The following GRM1 variants were observed in gnomAD, a reference collection of about 807,000 sequenced individuals.
GRM1 encodes metabotropic glutamate receptor 1.
Under a neutral mutation model 90.9 loss-of-function variants are expected in GRM1, and 33 were observed. That is an observed-to-expected ratio of 0.36 (90% CI 0.28 to 0.49). GRM1 has a LOEUF of 0.49. Ranked by LOEUF, GRM1 falls within the 20% of genes least tolerant of loss-of-function variation. The pLI is 0.99. For synonymous variants in GRM1, 700 were observed against 613.2 expected (o/e 1.14, Z -2.09); for missense variants, 1,190 against 1,534.3 (o/e 0.78, Z 3.75).
Position 146,367,404 on chromosome 6 carries a change from A to T in GRM1, c.1602+9710A>T, listed in dbSNP as rs565379343. Among the ~76,000 whole-genome samples, 210 of 152,140 alleles carry T rather than the reference A, an allele frequency of 1.4e-3. 1 individual carries two copies. Among genetic ancestry groups the T allele is most frequent in the African/African-American group, 4.8e-3 (198 of 41,508 alleles). On this transcript the variant is annotated intron_variant, in intron 5 of 7. Coordinates refer to ENST00000282753, the MANE Select transcript of GRM1 (RefSeq NM_001278064.2). ...TGGATTATTTTGTGGTTCCATGAGA[A>T]TTTTAGGATTTTTTTTTCTATTTTT...
At chr6:146,323,418 C>T (rs1484897010) in intron 3 of GRM1, among the ~76,000 whole-genome samples, 1 of 152,054 alleles carries the variant, frequency 6.6e-6, no homozygotes, top group African/African-American at 2.4e-5. Flanking sequence ...ATATCCTTCG[C>T]CCACTTTTTG....
At chr6:146,238,374 G>C (rs1023633358) in intron 2 of GRM1, among the ~76,000 whole-genome samples, 1 of 152,034 alleles carries the variant, frequency 6.6e-6, no homozygotes, top group Non-Finnish European at 1.5e-5. Flanking sequence ...TCTCCAAAAG[G>C]TTCCAATGCT....
intron 3 of GRM1, among the ~76,000 whole-genome samples, chr6:146,351,156 T>G (rs540449349): frequency 6.6e-6 from 1 of 152,176 alleles, no homozygotes; most frequent in South Asian, 2.1e-4. Flanking sequence ...CAGTGACCTA[T>G]TTAGGTTGGA....
chr6:146,095,312 T>C (rs1776841552), intron 1 of GRM1, among the ~76,000 whole-genome samples: 1 of 152,132 alleles, frequency 6.6e-6, no homozygotes, highest in Non-Finnish European at 1.5e-5. Context: ...GGTGAGCAGA[T>C]TGATCACTTT....
chr6:146,401,307 T>C (rs538935042), intron 7 of GRM1, among the ~76,000 whole-genome samples: 12 of 152,260 alleles, frequency 7.9e-5, no homozygotes, highest in African/African-American at 2.9e-4. Flanking sequence ...ATAAAAGTGG[T>C]TAGCCTTTTT....
chr6:146,092,033 C>G (rs1404899915), intron 1 of GRM1, among the ~76,000 whole-genome samples: 1 of 152,076 alleles, frequency 6.6e-6, no homozygotes, highest in Non-Finnish European at 1.5e-5. Flanking sequence ...ACATGCTTCA[C>G]TTTCCCATTC....
chr6:146,128,136 C>T (rs1348662861), intron 1 of GRM1, among the ~76,000 whole-genome samples: 1 of 152,112 alleles, frequency 6.6e-6, no homozygotes, highest in African/African-American at 2.4e-5. Context: ...CCTGTAGCAC[C>T]TTCATGACTT....
At chr6:146,039,135 T>C (rs1008955362) in intron 1 of GRM1, among the ~76,000 whole-genome samples, 3 of 152,094 alleles carry the variant, frequency 2.0e-5, no homozygotes, top group African/African-American at 7.2e-5. Flanking sequence ...TTTTAAGAAG[T>C]TCACCACATG....
At chr6:146,310,552 T>C (rs1783736946) in intron 3 of GRM1, among the ~76,000 whole-genome samples, 1 of 152,254 alleles carries the variant, frequency 6.6e-6, no homozygotes, top group Non-Finnish European at 1.5e-5. Flanking sequence ...TTTGTATCCA[T>C]GCTCTTTGAA....
At chr6:146,322,010 A>G (rs1334702271) in intron 3 of GRM1, among the ~76,000 whole-genome samples, 3 of 151,352 alleles carry the variant, frequency 2.0e-5, no homozygotes, top group Non-Finnish European at 4.4e-5. Context: ...CCTTTTTGCA[A>G]TTTTTTCCCT....
chr6:146,322,881 C>T (rs1449289828), intron 3 of GRM1, among the ~76,000 whole-genome samples: 1 of 151,990 alleles, frequency 6.6e-6, no homozygotes, highest in Non-Finnish European at 1.5e-5. Flanking sequence ...CGATAGTTTG[C>T]TGAGAATGAT....
At chr6:146,173,668 C>CTTT (rs555503367) in intron 2 of GRM1, among the ~76,000 whole-genome samples, 1 of 134,464 alleles carries the variant, frequency 7.4e-6, no homozygotes, top group Non-Finnish European at 1.6e-5. Flanking sequence ...TCCTGAGGTT[C>CTTT]TTTTTTTTTT....
intron 1 of GRM1, among the ~76,000 whole-genome samples, chr6:146,098,122 T>TA (rs1168908913): frequency 6.6e-6 from 1 of 152,216 alleles, no homozygotes; most frequent in Non-Finnish European, 1.5e-5. Context: ...TTATTTTAGC[T>TA]GATTTGACAC....
chr6:146,394,805 T>C (rs1328905600), intron 6 of GRM1, among the ~76,000 whole-genome samples: 1 of 152,130 alleles, frequency 6.6e-6, no homozygotes, highest in Non-Finnish European at 1.5e-5. Flanking sequence ...TTTGAACTAG[T>C]ACCTAGTAAT....
Position 146,098,724 on chromosome 6 carries a change from G to C in GRM1, c.701-60624G>C, listed in dbSNP as rs115502874. ...CTTGGTGGGAGGTAATTTAACCATGGGGGTGGCTACACTCATGCTGTTCTA... is the reference window on the plus strand; with the variant it reads ...CTTGGTGGGAGGTAATTTAACCATGCGGGTGGCTACACTCATGCTGTTCTA... On this transcript the variant is annotated intron_variant, in intron 1 of 7. Transcript: ENST00000282753. Among the ~76,000 whole-genome samples the C allele has an allele frequency of 1.8e-3, 269 of 151,812 alleles. 1 individual carries two copies. The highest frequency in any genetic ancestry group is 6.3e-3 in the African/African-American group (260 of 41,390).
chr6:146,078,587 A>G (rs1776263918), intron 1 of GRM1, among the ~76,000 whole-genome samples: 1 of 152,162 alleles, frequency 6.6e-6, no homozygotes, highest in Non-Finnish European at 1.5e-5. Context: ...AGAGGTTAAG[A>G]AAGACTGATT....
chr6:146,177,038 C>T (rs1275019601), intron 2 of GRM1, among the ~76,000 whole-genome samples: 1 of 152,108 alleles, frequency 6.6e-6, no homozygotes, highest in South Asian at 2.1e-4. Context: ...ATTAGCTACA[C>T]ATTTTAGCCT....
At chr6:146,303,411 C>A (rs1783464186) in intron 2 of GRM1, among the ~76,000 whole-genome samples, 1 of 152,162 alleles carries the variant, frequency 6.6e-6, no homozygotes, top group Non-Finnish European at 1.5e-5. Flanking sequence ...GTACAGGCCC[C>A]TGACGTCCCT....
At chr6:146,307,726 G>T (rs1783629151) in intron 3 of GRM1, among the ~76,000 whole-genome samples, 1 of 151,894 alleles carries the variant, frequency 6.6e-6, no homozygotes, top group Non-Finnish European at 1.5e-5. Flanking sequence ...CTTCTAATTG[G>T]GTCACTTCTA....
Sources: allele counts gnomAD v4.1 joint callset (sites outside exome capture counted in the v4.1 genomes callset), GRCh38; gene constraint gnomAD v4.1.1; transcripts MANE v1.5; gene names NCBI Gene and HGNC (gene_info 2026-07-23, HGNC 2026-07-21).